The following SPECC1 variants were observed in gnomAD, a reference collection of about 807,000 sequenced individuals.
The protein encoded by SPECC1 is sperm antigen with calponin homology and coiled-coil domains 1, also known as cytospin-B.
Under a neutral mutation model 104.1 loss-of-function variants are expected in SPECC1, and 62 were observed. That is an observed-to-expected ratio of 0.60 (90% confidence interval 0.49 to 0.74). The LOEUF (loss-of-function observed/expected upper bound fraction) is 0.74. Ranked by LOEUF, SPECC1 falls within the 30% of genes least tolerant of loss-of-function variation. The pLI is 0.00. For synonymous variants in SPECC1, 513 were observed against 501.6 expected, an observed-to-expected ratio of 1.02 and a Z score of -0.30; for missense variants, 1,306 against 1,310.5, an observed-to-expected ratio of 1.00 and a Z score of 0.05.
At chr17:20,092,056 T>C (rs1177604545) in intron 1 of SPECC1, among the ~76,000 whole-genome samples, 1 of 152,180 alleles carries the variant, frequency 6.6e-6, no homozygotes, top group Admixed American at 6.5e-5. Context: ...CCCTCTCTCC[T>C]CCTTTTCTCC....
In SPECC1 at chr17:20,260,293, C is replaced by A; in HGVS notation, c.2939C>A (p.Ala980Glu). 6.2e-7 allele frequency: 1 copy of A among 1,613,210 alleles called. No homozygotes were observed. The highest frequency in any genetic ancestry group is 8.5e-7 in the Non-Finnish European group (1 of 1,179,406). ...KWCQKKTQGY[A>E]NIDITNFSSS... is the part of the protein sequence containing the mutation. ...TGCCAGAAGAAGACACAAGGTTATG[C>A]GGTAAGGGACAACATCAGCCAACTT... is the stretch of plus-strand genomic sequence containing the variant. Residue 980 changes from alanine (A) to glutamate (E), a missense_variant and splice_region_variant, in exon 12 of 15, where the codon GCG becomes GAG. Coordinates refer to ENST00000395527, the MANE Select transcript of SPECC1 (RefSeq NM_001243439.2).
chr17:20,017,151 G>A (rs1377664787), intron 1 of SPECC1: 2 of 152,322 alleles, frequency 1.3e-5, no homozygotes, highest in Non-Finnish European at 2.9e-5. Context: ...GAGTGGTAAC[G>A]TGCTGCGGTC....
intron 3 of SPECC1, among the ~76,000 whole-genome samples, chr17:20,173,982 G>A (rs1449355248): frequency 1.3e-5 from 2 of 151,740 alleles, no homozygotes; most frequent in Non-Finnish European, 2.9e-5. Flanking sequence ...GCCCATGCTG[G>A]AGTGCAGTGG....
At chr17:20,283,128 G>T (rs1295659813) in intron 12 of SPECC1, among the ~76,000 whole-genome samples, 1 of 152,166 alleles carries the variant, frequency 6.6e-6, no homozygotes, top group Admixed American at 6.6e-5. Flanking sequence ...AGGCTACAGT[G>T]AGCCCTGATC....
intron 11 of SPECC1, 128 bp from the exon 12 acceptor site, chr17:20,260,064 T>C (rs2039971440): frequency 1.7e-6 from 1 of 605,388 alleles, no homozygotes; most frequent in Admixed American, 3.2e-5. Flanking sequence ...CTAATTCGGC[T>C]GTTTCTTTAG....
intron 1 of SPECC1, among the ~76,000 whole-genome samples, chr17:20,051,672 A>T (rs1170458965): frequency 6.6e-6 from 1 of 152,170 alleles, no homozygotes; most frequent in Non-Finnish European, 1.5e-5. Context: ...ACTGATATTC[A>T]GCAGACAAGG....
chr17:20,192,866 A>G (rs1251660784), intron 3 of SPECC1, among the ~76,000 whole-genome samples: 1 of 152,080 alleles, frequency 6.6e-6, no homozygotes, highest in African/African-American at 2.4e-5. Context: ...TTTTGTGACT[A>G]TTTTTGTTAC....
intron 11 of SPECC1, 76 bp from the exon 12 acceptor site, chr17:20,260,116 G>T: frequency 5.1e-6 from 6 of 1,175,564 alleles, no homozygotes; most frequent in Non-Finnish European, 6.0e-6. Context: ...TCTAAAGTAG[G>T]TATTTATTTC....
At position 20,185,474 on chromosome 17, in the gene SPECC1, C is replaced by T. The variant is rs548126083; in HGVS notation, c.284-18859C>T. On this transcript the variant is annotated intron_variant, in intron 3 of 14. Transcript: ENST00000395527. ...CCACATGGTGCTCCAGCCCACAGTC[C>T]GTGGAGCTGTCATCTCAGCCAGGGT... Among the ~76,000 whole-genome samples, 18 of 152,352 alleles carry T rather than the reference C, an allele frequency of 1.2e-4. No individual in the cohort carries two copies. The East Asian group carries it at 3.1e-3, about 26-fold the overall frequency.
chr17:20,187,736 G>T (rs774696919), intron 3 of SPECC1, among the ~76,000 whole-genome samples: 8 of 152,196 alleles, frequency 5.3e-5, no homozygotes, highest in Admixed American at 1.3e-4. Context: ...CACATCTGCA[G>T]TGTTTCTGAG....
In SPECC1 at chr17:20,134,622, G is replaced by A. The variant is rs116006465; in HGVS notation, c.283+24060G>A. 6.7e-3 allele frequency among the ~76,000 whole-genome samples: 1,020 copies of A among 152,180 alleles called. 10 individuals carry two copies. The highest frequency in any genetic ancestry group is 0.023 in the African/African-American group (963 of 41,532). On this transcript the variant is annotated intron_variant, in intron 3 of 14. Transcript: ENST00000395527. The stretch of plus-strand genomic sequence containing the variant: ...ACTTCTTATTGCTTAGGAAAGTTTT[G>A]TTTTATTTTTTTGAGACAGGGTCTC...
chr17:20,208,602 C>T (rs182513081), intron 4 of SPECC1, among the ~76,000 whole-genome samples: 1 of 152,316 alleles, frequency 6.6e-6, no homozygotes, highest in Admixed American at 6.5e-5. Flanking sequence ...TCTTGACTTA[C>T]CCAGTGAGCA....
intron 1 of SPECC1, among the ~76,000 whole-genome samples, chr17:20,092,337 G>A (rs2047438373): frequency 7.2e-6 from 1 of 138,162 alleles, no homozygotes; most frequent in Admixed American, 7.3e-5. Context: ...TCACTGTCTT[G>A]TACTTGGCTG....
intron 1 of SPECC1, among the ~76,000 whole-genome samples, chr17:20,088,228 G>A (rs1015013053): frequency 2.0e-5 from 3 of 152,092 alleles, no homozygotes; most frequent in African/African-American, 4.8e-5. Flanking sequence ...TTTTGTGTAC[G>A]TGTCTTAATT....
intron 12 of SPECC1, among the ~76,000 whole-genome samples, chr17:20,291,403 G>C (rs2041158614): frequency 6.6e-6 from 1 of 152,206 alleles, no homozygotes; most frequent in Non-Finnish European, 1.5e-5. Context: ...CCCTGACTCT[G>C]GCGCTAGAAA....
chr17:20,259,812 A>G (rs1391901820), intron 11 of SPECC1, among the ~76,000 whole-genome samples: 2 of 152,182 alleles, frequency 1.3e-5, no homozygotes, highest in African/African-American at 2.4e-5. Flanking sequence ...CACCCAGCCA[A>G]TCTACCTTTT....
chr17:20,146,779 G>C lies in SPECC1; in HGVS notation c.283+36217G>C, dbSNP rs191473893. Among the ~76,000 whole-genome samples, 1,020 of 152,186 alleles carry C rather than the reference G, an allele frequency of 6.7e-3. 10 individuals are homozygous for C. Among genetic ancestry groups the C allele is most frequent in the African/African-American group, 0.023 (963 of 41,550 alleles). On this transcript the variant is annotated intron_variant, in intron 3 of 14. Coordinates refer to ENST00000395527, the MANE Select transcript of SPECC1 (RefSeq NM_001243439.2). ...AAATTAGCTGGGCATGGTGGCGGGT[G>C]CCTGTAATCCCAGCTACTTGGGAGG...
intron 6 of SPECC1, 64 bp from the exon 7 acceptor site, chr17:20,232,136 G>T: frequency 6.3e-7 from 1 of 1,585,590 alleles, no homozygotes. Flanking sequence ...GGGACTCTGG[G>T]GTCCCTGCCC....
At chr17:20,271,528 T>C (rs2040406200) in intron 12 of SPECC1, among the ~76,000 whole-genome samples, 1 of 152,122 alleles carries the variant, frequency 6.6e-6, no homozygotes, top group Admixed American at 6.5e-5. Flanking sequence ...TTTGTCTGTT[T>C]ACTTAGTTTT....
Sources: allele counts gnomAD v4.1 joint callset (sites outside exome capture counted in the v4.1 genomes callset), GRCh38; gene constraint gnomAD v4.1.1; transcripts MANE v1.5; gene names NCBI Gene and HGNC (gene_info 2026-07-23, HGNC 2026-07-21).